The following KITLG variants were observed in gnomAD, a reference collection of about 807,000 sequenced individuals.
KITLG encodes KIT ligand.
A neutral mutation model predicts 34.1 loss-of-function variants in KITLG; 13 were observed. That is an observed-to-expected ratio of 0.38 (90% CI 0.25 to 0.61). The LOEUF is 0.61. Among genes scored for constraint, KITLG ranks in the 20% least tolerant of loss-of-function variants. The probability of loss-of-function intolerance (pLI) is 0.60; values close to 1 mark genes in which losing one functional copy is unlikely to be tolerated. For synonymous variants in KITLG, 110 were observed against 104.0 expected (o/e 1.06, Z -0.35); for missense variants, 292 against 318.9 (o/e 0.92, Z 0.64).
Position 88,506,340 on chromosome 12 carries a change from T to C in KITLG, c.753A>G (p.Ile251Met). Residue 251 changes from isoleucine to methionine, a missense_variant, in exon 8 of 10, where the codon ATA becomes ATG. Physicochemically the swap from Ile to Met is conservative, Grantham distance 10. Around this residue, in one of 2 missense-constraint regions of KITLG, gnomAD observed 140 missense variants for 111.0 expected, o/e 1.26. Coordinates refer to ENST00000644744, the MANE Select transcript of KITLG (RefSeq NM_000899.5). Reference protein sequence around the residue: ...QPSLTRAVENIQINEEDNEIS... With the variant: ...QPSLTRAVENMQINEEDNEIS... ...TCTCATTATCCTCTTCATTAATTTG[T>C]ATATTTTCAACTGCCCTTGTAAGAC... 6.2e-7 allele frequency: 1 copy of C among 1,610,516 alleles called. No individual in the cohort carries two copies. The highest frequency in any genetic ancestry group is 1.7e-5 in the Admixed American group (1 of 60,018).
intron 1 of KITLG, among the ~76,000 whole-genome samples, chr12:88,571,750 C>T (rs916071641): frequency 6.6e-6 from 1 of 152,164 alleles, no homozygotes; most frequent in East Asian, 1.9e-4. Context: ...CTATTACTGG[C>T]AGCTTTTTTG....
At chr12:88,519,895 A>G (rs1159694082) in intron 3 of KITLG, among the ~76,000 whole-genome samples, 1 of 152,162 alleles carries the variant, frequency 6.6e-6, no homozygotes, top group East Asian at 1.9e-4. Context: ...AAATGCTGGG[A>G]TTAGAGGCGT....
At chr12:88,562,024 C>T (rs979031108) in intron 1 of KITLG, among the ~76,000 whole-genome samples, 1 of 151,990 alleles carries the variant, frequency 6.6e-6, no homozygotes, top group Non-Finnish European at 1.5e-5. Context: ...TTTTGATTAC[C>T]CAATTAGTTT....
chr12:88,509,779 C>G (rs541224224), intron 6 of KITLG, among the ~76,000 whole-genome samples: 34 of 152,166 alleles, frequency 2.2e-4, no homozygotes, highest in Non-Finnish European at 3.7e-4. Flanking sequence ...ATACTACTGT[C>G]CCTCTTGCAG....
At chr12:88,546,052 C>T (rs1870710031) in intron 1 of KITLG, 187 bp from the exon 2 acceptor site, 3 of 697,574 alleles carry the variant, frequency 4.3e-6, no homozygotes, top group East Asian at 5.3e-5. Context: ...AGTTAAAATC[C>T]ATTTTGAATT....
chr12:88,563,971 A>AG (rs959252607), intron 1 of KITLG, among the ~76,000 whole-genome samples: 9 of 151,940 alleles, frequency 5.9e-5, no homozygotes, highest in Admixed American at 1.3e-4. Context: ...TCAAAAAAAA[A>AG]GAAAAGAAAA....
chr12:88,501,529 C>T lies in KITLG; in HGVS notation c.*37+3630G>A, dbSNP rs79142564. Among the ~76,000 whole-genome samples the T allele has an allele frequency of 6.4e-3, 978 of 152,270 alleles. 4 individuals carry two copies. Among genetic ancestry groups the T allele is most frequent in the African/African-American group, 0.023 (947 of 41,544 alleles). ...GACCTTCCCTCTACTACACACCTAT[C>T]TAGGAACTAGACTTAAGAGTTCCTT... On this transcript the variant is annotated intron_variant, in intron 9 of 9. Transcript: ENST00000644744.
At chr12:88,579,831 A>G (rs1391486944) in intron 1 of KITLG, among the ~76,000 whole-genome samples, 1 of 152,122 alleles carries the variant, frequency 6.6e-6, no homozygotes, top group African/African-American at 2.4e-5. Flanking sequence ...GGGCTACACA[A>G]ATAAATCTGA....
rs954482116 is a variant in KITLG, at chr12:88,496,072, C to A, written c.*1147G>T. On this transcript the variant is annotated 3_prime_UTR_variant, in exon 10 of 10. Coordinates refer to ENST00000644744, the MANE Select transcript of KITLG (RefSeq NM_000899.5). ...TAAAGCTTTCTTTTTAATTCATAAA[C>A]CTTAATGAATATAGAGTGCCCGATT... is the stretch of plus-strand genomic sequence containing the variant. 2.0e-5 allele frequency: 3 copies of A among 152,072 alleles called. No individual in the cohort carries two copies. The highest frequency in any genetic ancestry group is 4.4e-5 in the Non-Finnish European group (3 of 68,004). 9.4% of individuals were successfully genotyped at this position (152,072 alleles called of 1,614,324 possible).
At chr12:88,560,501 G>A (rs2120951848) in intron 1 of KITLG, among the ~76,000 whole-genome samples, 1 of 152,290 alleles carries the variant, frequency 6.6e-6, no homozygotes, top group African/African-American at 2.4e-5. Flanking sequence ...TAAAGAGGTT[G>A]TGAAACTGCC....
intron 9 of KITLG, among the ~76,000 whole-genome samples, chr12:88,497,763 G>T (rs1868698044): frequency 6.6e-6 from 1 of 152,114 alleles, no homozygotes; most frequent in South Asian, 2.1e-4. Flanking sequence ...TGGAGAAGCT[G>T]GTCAATGGCC....
intron 2 of KITLG, among the ~76,000 whole-genome samples, chr12:88,535,247 C>T (rs1444083132): frequency 6.6e-6 from 1 of 152,142 alleles, no homozygotes; most frequent in Non-Finnish European, 1.5e-5. Flanking sequence ...CTGAAATCTA[C>T]ATTCTACCAC....
chr12:88,505,786 G>A (rs1869034294), intron 8 of KITLG, among the ~76,000 whole-genome samples: 1 of 152,118 alleles, frequency 6.6e-6, no homozygotes, highest in Non-Finnish European at 1.5e-5. Flanking sequence ...TGAATAAGAA[G>A]TCACACTATG....
chr12:88,579,351 A>G (rs1871934553), intron 1 of KITLG, among the ~76,000 whole-genome samples: 1 of 152,008 alleles, frequency 6.6e-6, no homozygotes, highest in Non-Finnish European at 1.5e-5. Context: ...ACACATAACA[A>G]TTTCTAAGGG....
chr12:88,546,496 T>G lies in KITLG; in HGVS notation c.16-631A>C, dbSNP rs141037460. On this transcript the variant is annotated intron_variant, in intron 1 of 9. Transcript: ENST00000644744. ...CAGAAAGTAATCTGTCTTCTCTCTCTCTCTCTCGAACACACATAACCTACA... is the reference window on the plus strand; with the variant it reads ...CAGAAAGTAATCTGTCTTCTCTCTCGCTCTCTCGAACACACATAACCTACA... Among the ~76,000 whole-genome samples the G allele has an allele frequency of 3.4e-3, 513 of 152,318 alleles. 4 individuals carry two copies. The highest frequency in any genetic ancestry group is 0.012 in the African/African-American group (495 of 41,568).
chr12:88,574,002 C>T (rs931436782), intron 1 of KITLG, among the ~76,000 whole-genome samples: 1 of 152,182 alleles, frequency 6.6e-6, no homozygotes, highest in Non-Finnish European at 1.5e-5. Context: ...AGGGCAACAG[C>T]TACAGGCACA....
At position 88,547,365 on chromosome 12, in the gene KITLG, C is replaced by A. The variant is rs191119127; in HGVS notation, c.16-1500G>T. The stretch of plus-strand genomic sequence containing the variant: ...AGATTGAAATCCTTTTATTCCCTTA[C>A]CACCATGGTCTATTTTAGCAGTAAT... On this transcript the variant is annotated intron_variant, in intron 1 of 9. Coordinates refer to ENST00000644744, the MANE Select transcript of KITLG (RefSeq NM_000899.5). Among the ~76,000 whole-genome samples, 645 of 152,258 alleles carry A rather than the reference C, an allele frequency of 4.2e-3. 3 individuals carry two copies. The highest frequency in any genetic ancestry group is 0.017 in the Middle Eastern group (5 of 294).
At position 88,516,453 on chromosome 12, in the gene KITLG, A is replaced by T. The variant is rs376064046; in HGVS notation, c.401T>A (p.Leu134His). The part of the protein sequence containing the change: ...KKSFKSPEPR[L>H]FTPEEFFRIF... ...TCTAAAGAATTCTTCAGGAGTAAAG[A>T]GCCTGGGTTCTGGGCTCTTGAATGA... The change falls in exon 5 of 10, where the codon CTC (leucine) becomes CAC (histidine). Residue 134 changes from leucine (L) to histidine (H), a missense_variant. By Grantham distance (99) the Leu-to-His change is moderately conservative. This residue lies in a region of KITLG where 152 missense variants were observed against 207.9 expected (regional missense o/e 0.73). Coordinates refer to ENST00000644744, the MANE Select transcript of KITLG (RefSeq NM_000899.5). 1 of 1,606,552 alleles carries T rather than the reference A, an allele frequency of 6.2e-7. No homozygotes were observed. Among genetic ancestry groups the T allele is most frequent in the Non-Finnish European group, 8.5e-7 (1 of 1,176,526 alleles).
chr12:88,524,945 A>G (rs1357190067), intron 3 of KITLG, among the ~76,000 whole-genome samples: 4 of 152,204 alleles, frequency 2.6e-5, no homozygotes, highest in Admixed American at 2.6e-4. Context: ...CTCAGAATCC[A>G]TGCTTACAAA....
Sources: gnomAD v4.1 joint callset for allele counts (sites outside exome capture counted in the v4.1 genomes callset) on GRCh38, gnomAD v4.1.1 for gene constraint, gnomAD v4.1.1 regional missense constraint, MANE v1.5 for transcripts, NCBI Gene and HGNC (gene_info 2026-07-23, HGNC 2026-07-21) for gene names.